The following LATS2 variants were observed in gnomAD, a reference collection of about 807,000 sequenced individuals.
LATS2 encodes the protein serine/threonine-protein kinase LATS2.
A neutral mutation model predicts 76.0 loss-of-function variants in LATS2; 24 were observed. That is an observed-to-expected ratio of 0.32 (90% confidence interval 0.23 to 0.44). The LOEUF (loss-of-function observed/expected upper bound fraction) is 0.44, where lower values mean the gene tolerates loss of function less well. Ranked by LOEUF, LATS2 falls within the 20% of genes least tolerant of loss-of-function variation. The pLI is 1.00. For synonymous variants in LATS2, 692 were observed against 635.4 expected (o/e 1.09, Z -1.34); for missense variants, 1,286 against 1,481.2 (o/e 0.87, Z 2.16).
chr13:21,024,056 CA>C (rs1188189303), intron 2 of LATS2, among the ~76,000 whole-genome samples: 3 of 118,480 alleles, frequency 2.5e-5, no homozygotes, highest in Admixed American at 1.1e-4. Flanking sequence ...AGGGAGTTTA[CA>C]GACCTTCCCC....
intron 1 of LATS2, among the ~76,000 whole-genome samples, chr13:21,058,255 T>C (rs935070574): frequency 6.6e-6 from 1 of 152,230 alleles, no homozygotes; most frequent in Non-Finnish European, 1.5e-5. Flanking sequence ...AGAAATACTG[T>C]TCAGAAGTTT....
chr13:20,990,505 C>G (rs1870462258), intron 3 of LATS2, among the ~76,000 whole-genome samples: 1 of 125,290 alleles, frequency 8.0e-6, no homozygotes, highest in Non-Finnish European at 1.6e-5. Flanking sequence ...GACGAGGTCT[C>G]CCTCTGTTGC....
intron 4 of LATS2, among the ~76,000 whole-genome samples, chr13:20,986,339 T>A (rs551296117): frequency 1.9e-4 from 29 of 152,326 alleles, no homozygotes; most frequent in Non-Finnish European, 3.8e-4. Context: ...TGCAGCACTA[T>A]TCACAACAGT....
intron 2 of LATS2, among the ~76,000 whole-genome samples, chr13:21,030,457 C>T (rs11838840): frequency 0.023 from 3,453 of 151,732 alleles, 158 homozygotes; most frequent in African/African-American, 0.079. Flanking sequence ...GCCGTGGTGG[C>T]GGGCGCCTGT....
At chr13:21,013,408 A>C (rs926137912) in intron 2 of LATS2, among the ~76,000 whole-genome samples, 1 of 152,240 alleles carries the variant, frequency 6.6e-6, no homozygotes, top group Non-Finnish European at 1.5e-5. Context: ...TATAAAAGTA[A>C]AAATTAGTGT....
At chr13:20,982,732 C>T (rs1869948881) in intron 5 of LATS2, among the ~76,000 whole-genome samples, 1 of 151,754 alleles carries the variant, frequency 6.6e-6, no homozygotes, top group African/African-American at 2.4e-5. Context: ...TGGCTCACAC[C>T]TGTAATCCCA....
Position 20,991,480 on chromosome 13 carries a change from G to C in LATS2, c.343-76C>G, listed in dbSNP as rs1386362751. The C allele has an allele frequency of 2.0e-6, 3 of 1,519,112 alleles. No individual in the cohort carries two copies. The highest frequency in any genetic ancestry group is 3.4e-5 in the Admixed American group (2 of 58,464). 94.1% of individuals were successfully genotyped at this position (1,519,112 alleles called of 1,614,324 possible). A position where few individuals can be genotyped will look rare whatever the true frequency, so the allele number is the denominator to read the frequency against. ...CACCAAAGACTCCCATCCCCACTCC[G>C]TGCTGGACTGTGCTGGGACACTTCG... On this transcript the variant is annotated intron_variant, in intron 2 of 7. Coordinates refer to ENST00000382592, the MANE Select transcript of LATS2 (RefSeq NM_014572.3). This position sits in a 1 kb window ranked among gnomAD's most constrained non-coding sequence, Gnocchi z 4.9.
chr13:20,995,214 A>C (rs566019037), intron 2 of LATS2, among the ~76,000 whole-genome samples: 4 of 152,322 alleles, frequency 2.6e-5, no homozygotes, highest in African/African-American at 4.8e-5. Context: ...GGAAAAAAAA[A>C]CATAAAAACT....
chr13:20,991,490 G>A lies in LATS2; in HGVS notation c.343-86C>T, dbSNP rs1870504681. 2.0e-6 allele frequency: 3 copies of A among 1,496,464 alleles called. No individual in the cohort carries two copies. The highest frequency in any genetic ancestry group is 3.5e-5 in the Admixed American group (2 of 57,666). The allele number at this position is 1,496,464 out of a possible 1,614,324, so 92.7% of individuals were successfully genotyped here. On this transcript the variant is annotated intron_variant, in intron 2 of 7. Coordinates refer to ENST00000382592, the MANE Select transcript of LATS2 (RefSeq NM_014572.3). The surrounding 1 kb of genome is among the most constrained non-coding windows in gnomAD (Gnocchi z 4.9). ...TCCCATCCCCACTCCGTGCTGGACT[G>A]TGCTGGGACACTTCGCCTCTGTACT...
intron 2 of LATS2, among the ~76,000 whole-genome samples, chr13:21,022,117 A>G (rs2138362953): frequency 6.6e-6 from 1 of 152,286 alleles, no homozygotes; most frequent in Admixed American, 6.5e-5. Flanking sequence ...AATGCCCAGA[A>G]TCCACCCTGG....
At chr13:20,984,821 A>C (rs1204470832) in intron 4 of LATS2, among the ~76,000 whole-genome samples, 1 of 152,220 alleles carries the variant, frequency 6.6e-6, no homozygotes, top group African/African-American at 2.4e-5. Flanking sequence ...ACTAGAAAAA[A>C]CAATACTAAA....
chr13:21,059,134 T>C (rs942262060), intron 1 of LATS2, among the ~76,000 whole-genome samples: 1 of 152,268 alleles, frequency 6.6e-6, no homozygotes, highest in Non-Finnish European at 1.5e-5. Flanking sequence ...AATTTCAGTA[T>C]ATTTGTTTCT....
At chr13:21,046,348 G>C (rs936192044) in intron 1 of LATS2, 118 bp from the exon 2 acceptor site, 2 of 291,052 alleles carry the variant, frequency 6.9e-6, no homozygotes, top group Non-Finnish European at 6.5e-6. Flanking sequence ...AGAAAAGAAA[G>C]AACGCATCAC....
At chr13:20,994,337 T>A (rs2138302977) in intron 2 of LATS2, among the ~76,000 whole-genome samples, 1 of 152,378 alleles carries the variant, frequency 6.6e-6, no homozygotes. Context: ...ACTTCCTATC[T>A]GTACATTAAA....
intron 2 of LATS2, among the ~76,000 whole-genome samples, chr13:21,032,795 G>A (rs1453925626): frequency 6.6e-6 from 1 of 152,182 alleles, no homozygotes; most frequent in Non-Finnish European, 1.5e-5. Flanking sequence ...GCCGTAGAAG[G>A]CCACAAGGAT....
chr13:21,021,599 ATTG>A (rs1872068738), intron 2 of LATS2, among the ~76,000 whole-genome samples: 1 of 151,554 alleles, frequency 6.6e-6, no homozygotes, highest in South Asian at 2.1e-4. Flanking sequence ...TAAATTTCAC[ATTG>A]TTAAGACGTT....
At chr13:21,052,468 A>C (rs527384936) in intron 1 of LATS2, among the ~76,000 whole-genome samples, 1 of 152,220 alleles carries the variant, frequency 6.6e-6, no homozygotes, top group East Asian at 1.9e-4. Context: ...CTCGTGCCTC[A>C]GCCACCCGAG....
At chr13:21,007,624 GTATATATA>G (rs71200322) in intron 2 of LATS2, among the ~76,000 whole-genome samples, 3 of 538 alleles carry the variant, frequency 5.6e-3, no homozygotes, top group African/African-American at 6.7e-3. Context: ...TATATATAGT[GTATATATA>G]TATATATATA....
intron 4 of LATS2, 96 bp from the exon 5 acceptor site, chr13:20,983,902 C>G: frequency 1.1e-6 from 1 of 918,834 alleles, no homozygotes; most frequent in Non-Finnish European, 1.7e-6. Flanking sequence ...TGAGAGGAAC[C>G]TAGCTCATTT....
Sources: gnomAD v4.1 joint callset for allele counts (sites outside exome capture counted in the v4.1 genomes callset) on GRCh38, gnomAD v4.1.1 for gene constraint, Gnocchi (gnomAD v3.1) non-coding constraint, MANE v1.5 for transcripts, NCBI Gene and HGNC (gene_info 2026-07-23, HGNC 2026-07-21) for gene names.